The following STAMBP variants were observed in gnomAD, a reference collection of about 807,000 sequenced individuals.
STAMBP encodes the protein STAM-binding protein.
STAMBP carries 31 observed loss-of-function variants against 50.7 expected under a neutral mutation model. The observed-to-expected ratio is 0.61, with a 90% CI of 0.46 to 0.83. The LOEUF (loss-of-function observed/expected upper bound fraction) is 0.83. STAMBP is among the 40% of genes least tolerant of loss of function. The probability of loss-of-function intolerance (pLI) is 0.00; values close to 1 mark genes in which losing one functional copy is unlikely to be tolerated. For synonymous variants in STAMBP, 211 were observed against 192.4 expected, an observed-to-expected ratio of 1.10 and a Z score of -0.80; for missense variants, 472 against 518.9, an observed-to-expected ratio of 0.91 and a Z score of 0.88.
chr2:73,862,405 C>A lies in STAMBP; in HGVS notation c.*146C>A. On this transcript the variant is annotated 3_prime_UTR_variant, in exon 10 of 10. Coordinates refer to ENST00000394070, the MANE Select transcript of STAMBP (RefSeq NM_213622.4). ...CTGAGAAAGAGCTGATTTTGTATTT[C>A]AGGTTTGAAAAGAAATAACTGAACA... The A allele has an allele frequency of 1.9e-6, 1 of 532,598 alleles. No individual in the cohort carries two copies. The highest frequency in any genetic ancestry group is 3.0e-6 in the Non-Finnish European group (1 of 329,956). 33.0% of individuals were successfully genotyped at this position (532,598 alleles called of 1,614,324 possible). A position where few individuals can be genotyped will look rare whatever the true frequency, so the allele number is the denominator to read the frequency against.
chr2:73,836,380 G>A (rs1220246671), intron 2 of STAMBP, among the ~76,000 whole-genome samples: 3 of 152,178 alleles, frequency 2.0e-5, no homozygotes, highest in African/African-American at 4.8e-5. Context: ...GGAGGCTCCC[G>A]GCAGCCTCCC....
chr2:73,853,793 G>A (rs891069761), intron 7 of STAMBP, among the ~76,000 whole-genome samples: 19 of 152,118 alleles, frequency 1.2e-4, no homozygotes, highest in Admixed American at 1.1e-3. Context: ...CACTACCTAG[G>A]TCAGGAAACA....
intron 4 of STAMBP, among the ~76,000 whole-genome samples, chr2:73,845,643 T>G (rs1675965161): frequency 6.6e-6 from 1 of 151,824 alleles, no homozygotes; most frequent in African/African-American, 2.4e-5. Context: ...ATTTTTTTTT[T>G]TTTTTTTTGA....
intron 2 of STAMBP, 152 bp from the exon 3 acceptor site, chr2:73,844,661 G>A: frequency 1.8e-6 from 1 of 559,720 alleles, no homozygotes; most frequent in Admixed American, 3.5e-5. Flanking sequence ...GATGGGAAAG[G>A]AGCATGGCCC....
intron 9 of STAMBP, among the ~76,000 whole-genome samples, chr2:73,861,378 T>C (rs1475242820): frequency 2.0e-5 from 3 of 152,134 alleles, no homozygotes; most frequent in African/African-American, 4.8e-5. Flanking sequence ...CAAACACTGA[T>C]TCCATCTACA....
chr2:73,857,912 T>C (rs1178788428), intron 7 of STAMBP, among the ~76,000 whole-genome samples: 2 of 152,192 alleles, frequency 1.3e-5, no homozygotes, highest in East Asian at 3.9e-4. Flanking sequence ...TTTCATCCCC[T>C]TCCCCTCTCT....
chr2:73,837,294 G>T (rs1293154778), intron 2 of STAMBP, among the ~76,000 whole-genome samples: 1 of 152,050 alleles, frequency 6.6e-6, no homozygotes, highest in Non-Finnish European at 1.5e-5. Flanking sequence ...CATTGATAAA[G>T]AACACATTAG....
chr2:73,845,362 C>T, intron 4 of STAMBP, 100 bp downstream of exon 4: 1 of 830,810 alleles, frequency 1.2e-6, no homozygotes, highest in Non-Finnish European at 1.9e-6. Flanking sequence ...TTTTAATGTG[C>T]TGTTTCACCT....
In STAMBP at chr2:73,864,180, T is replaced by A. The variant is rs1209972844; in HGVS notation, c.*1921T>A. The A allele has an allele frequency of 1.3e-5, 2 of 152,242 alleles. No homozygotes were observed. The highest frequency in any genetic ancestry group is 1.9e-4 in the East Asian group (1 of 5,204). 9.4% of individuals were successfully genotyped at this position (152,242 alleles called of 1,614,324 possible). On this transcript the variant is annotated 3_prime_UTR_variant, in exon 10 of 10. Coordinates refer to ENST00000394070, the MANE Select transcript of STAMBP (RefSeq NM_213622.4). Reference sequence around the variant, plus strand: ...TAGAATTCTCAAGTACAACCAGGGTTGACAACCACTGCATTGGTCTTTGAT... The same window carrying A: ...TAGAATTCTCAAGTACAACCAGGGTAGACAACCACTGCATTGGTCTTTGAT...
intron 2 of STAMBP, among the ~76,000 whole-genome samples, chr2:73,835,418 A>G (rs954796655): frequency 6.6e-6 from 1 of 151,760 alleles, no homozygotes. Context: ...TCCTGGATGC[A>G]AGCGATCCTC....
intron 2 of STAMBP, among the ~76,000 whole-genome samples, chr2:73,835,411 T>C (rs1217526483): frequency 6.6e-6 from 1 of 151,122 alleles, no homozygotes; most frequent in East Asian, 1.9e-4. Flanking sequence ...CTCGAACTCC[T>C]GGATGCAAGC....
At chr2:73,834,674 T>G (rs891323178) in intron 2 of STAMBP, among the ~76,000 whole-genome samples, 11 of 152,074 alleles carry the variant, frequency 7.2e-5, no homozygotes, top group African/African-American at 2.7e-4. Context: ...AGGAAAATAC[T>G]TAAGAGTACT....
At chr2:73,831,530 A>G (rs1329855383) in intron 2 of STAMBP, among the ~76,000 whole-genome samples, 2 of 152,182 alleles carry the variant, frequency 1.3e-5, no homozygotes, top group African/African-American at 4.8e-5. Context: ...GTAACTGCCT[A>G]CAGTTTGTGT....
chr2:73,839,780 C>G (rs1029713363), intron 2 of STAMBP, among the ~76,000 whole-genome samples: 66 of 152,298 alleles, frequency 4.3e-4, no homozygotes, highest in African/African-American at 1.5e-3. Flanking sequence ...ATAGGTGCCC[C>G]CATGTGTCCT....
intron 7 of STAMBP, among the ~76,000 whole-genome samples, chr2:73,852,128 G>C (rs1676893228): frequency 6.6e-6 from 1 of 152,184 alleles, no homozygotes; most frequent in Non-Finnish European, 1.5e-5. Flanking sequence ...GCAAGGAGAT[G>C]ATTTAAGAGG....
chr2:73,844,909 T>C, intron 3 of STAMBP, 21 bp downstream of exon 3: 1 of 1,612,184 alleles, frequency 6.2e-7, no homozygotes, highest in Non-Finnish European at 8.5e-7. Flanking sequence ...ACTTTCATTG[T>C]TGCCCATCTA....
At chr2:73,848,490 A>G (rs1428436899) in intron 5 of STAMBP, among the ~76,000 whole-genome samples, 2 of 152,244 alleles carry the variant, frequency 1.3e-5, no homozygotes, top group Non-Finnish European at 2.9e-5. Context: ...ATTTAAAATT[A>G]AAAGTTCAGA....
chr2:73,865,543 C>A lies in STAMBP; in HGVS notation c.*3284C>A, dbSNP rs1678790609. 1 of 152,112 alleles carries A rather than the reference C, an allele frequency of 6.6e-6. No individual in the cohort carries two copies. 9.4% of individuals were successfully genotyped at this position (152,112 alleles called of 1,614,324 possible). On this transcript the variant is annotated 3_prime_UTR_variant, in exon 10 of 10. Transcript: ENST00000394070. Reference sequence around the variant, plus strand: ...ATATTATCCTCTCCAGGGGAAGTGCCAGGTTGAACATTTAAGGCTTTGCTT... The same window carrying A: ...ATATTATCCTCTCCAGGGGAAGTGCAAGGTTGAACATTTAAGGCTTTGCTT...
Position 73,862,384 on chromosome 2 carries a change from GA to G in STAMBP, c.*128del. 1.6e-6 allele frequency: 1 copy of G among 611,138 alleles called. No individual in the cohort carries two copies. Among genetic ancestry groups the G allele is most frequent in the Admixed American group, 4.0e-5 (1 of 25,146 alleles). The allele number at this position is 611,138 out of a possible 1,614,324, so 37.9% of individuals were successfully genotyped here. On this transcript the variant is annotated 3_prime_UTR_variant, in exon 10 of 10. Coordinates refer to ENST00000394070, the MANE Select transcript of STAMBP (RefSeq NM_213622.4). ...TAGTAGAAAGGGGGGCATCACCTGA[GA>G]AAGAGCTGATTTTGTATTTCAGGTT...
Sources: allele counts gnomAD v4.1 joint callset (sites outside exome capture counted in the v4.1 genomes callset), GRCh38; gene constraint gnomAD v4.1.1; transcripts MANE v1.5; gene names NCBI Gene and HGNC (gene_info 2026-07-23, HGNC 2026-07-21).